Variants in ARMC1 observed in about 807,000 individuals in gnomAD.
ARMC1 encodes the protein armadillo repeat containing 1.
A neutral mutation model predicts 31.4 loss-of-function variants in ARMC1; 16 were observed. The observed-to-expected ratio is 0.51, with a 90% CI of 0.34 to 0.77. The LOEUF is 0.77. ARMC1 is among the 30% of genes least tolerant of loss of function. The pLI, the probability that ARMC1 is intolerant of heterozygous loss-of-function variation, is 0.01. For missense variants in ARMC1, 259 were observed against 347.5 expected (o/e 0.75, Z 2.02); for synonymous variants, 114 against 118.9 (o/e 0.96, Z 0.27).
At chr8:65,629,026 T>C (rs1808577220) in intron 1 of ARMC1, among the ~76,000 whole-genome samples, 2 of 151,278 alleles carry the variant, frequency 1.3e-5, no homozygotes. Flanking sequence ...TGGTGGTGGG[T>C]GCCTGTAATC....
chr8:65,626,056 T>C (rs1808505149), intron 2 of ARMC1, among the ~76,000 whole-genome samples: 1 of 151,958 alleles, frequency 6.6e-6, no homozygotes, highest in South Asian at 2.1e-4. Context: ...GCCCGGCTAA[T>C]TGTTTTGTAT....
At chr8:65,632,441 G>A (rs1487811953) in intron 1 of ARMC1, among the ~76,000 whole-genome samples, 1 of 151,984 alleles carries the variant, frequency 6.6e-6, no homozygotes, top group Non-Finnish European at 1.5e-5. Flanking sequence ...GTAAAACCCC[G>A]TCTCTACTAA....
chr8:65,608,792 C>T (rs1563412184), intron 4 of ARMC1, among the ~76,000 whole-genome samples: 1 of 151,628 alleles, frequency 6.6e-6, no homozygotes, highest in Non-Finnish European at 1.5e-5. Context: ...ATCTTTAATC[C>T]CAGCTACTTG....
chr8:65,630,572 A>G (rs1009209220), intron 1 of ARMC1, among the ~76,000 whole-genome samples: 5 of 152,204 alleles, frequency 3.3e-5, no homozygotes, highest in Non-Finnish European at 7.3e-5. Flanking sequence ...TAATCCCAAC[A>G]CTTTGGGAGG....
intron 4 of ARMC1, among the ~76,000 whole-genome samples, chr8:65,609,204 G>A (rs78871657): frequency 0.055 from 8,094 of 147,862 alleles, 279 homozygotes; most frequent in Non-Finnish European, 0.082. Flanking sequence ...TTGGGCTCTA[G>A]CAATCTTCCT....
chr8:65,605,695 A>C (rs1222858134), intron 4 of ARMC1, among the ~76,000 whole-genome samples, 157 bp from the exon 5 acceptor site: 1 of 152,212 alleles, frequency 6.6e-6, no homozygotes, highest in Non-Finnish European at 1.5e-5. Flanking sequence ...TGCTTAGTCA[A>C]ATTTTTTAAA....
At chr8:65,605,918 C>T (rs1679180586) in intron 4 of ARMC1, among the ~76,000 whole-genome samples, 1 of 152,184 alleles carries the variant, frequency 6.6e-6, no homozygotes, top group Admixed American at 6.5e-5. Context: ...AGTCCACCAG[C>T]TGTTTTTGTA....
chr8:65,626,040 C>G (rs1440475464), intron 2 of ARMC1, among the ~76,000 whole-genome samples: 1 of 152,002 alleles, frequency 6.6e-6, no homozygotes, highest in Non-Finnish European at 1.5e-5. Flanking sequence ...AGGCACCCAC[C>G]ACCACGCCCG....
intron 2 of ARMC1, among the ~76,000 whole-genome samples, chr8:65,623,786 CTTTTTTTTTTTT>C (rs201008780): frequency 5.0e-4 from 13 of 26,080 alleles, no homozygotes; most frequent in Non-Finnish European, 7.2e-4. Flanking sequence ...AAAGTAAAAT[CTTTTTTTTTTTT>C]TTTTTTTTTT....
At chr8:65,629,523 G>A (rs1176274079) in intron 1 of ARMC1, among the ~76,000 whole-genome samples, 2 of 152,090 alleles carry the variant, frequency 1.3e-5, no homozygotes, top group Non-Finnish European at 1.5e-5. Flanking sequence ...TATTCCAGAT[G>A]GGCGCGGTGG....
intron 1 of ARMC1, 113 bp from the exon 2 acceptor site, chr8:65,627,546 C>A: frequency 3.7e-6 from 2 of 547,796 alleles, no homozygotes; most frequent in Non-Finnish European, 5.7e-6. Flanking sequence ...AAAACTAAAT[C>A]ACATAAAAAC....
At chr8:65,630,112 T>C (rs1808609833) in intron 1 of ARMC1, among the ~76,000 whole-genome samples, 1 of 152,134 alleles carries the variant, frequency 6.6e-6, no homozygotes, top group Admixed American at 6.6e-5. Context: ...GCCACTGCAC[T>C]CCAGCCTGGG....
intron 4 of ARMC1, 82 bp from the exon 5 acceptor site, chr8:65,605,620 G>T (rs552231273): frequency 8.1e-6 from 8 of 982,226 alleles, no homozygotes; most frequent in Admixed American, 3.9e-5. Context: ...TATTTTGGAG[G>T]GGGGAAGAGA....
rs183288950 is a variant in ARMC1, at chr8:65,613,317, G to C, written c.392C>G (p.Ala131Gly). 1 of 1,612,332 alleles carries C rather than the reference G, an allele frequency of 6.2e-7. No homozygotes were observed. The highest frequency in any genetic ancestry group is 1.7e-5 in the Admixed American group (1 of 59,622). Residue 131 changes from alanine to glycine, a missense_variant, in exon 4 of 7, where the codon GCT (alanine) becomes GGT (glycine). Ala to Gly is a moderately conservative substitution (Grantham distance 60). Around this residue, in one of 3 missense-constraint regions of ARMC1, gnomAD observed 163 missense variants for 186.7 expected, o/e 0.87. Coordinates refer to ENST00000276569, the MANE Select transcript of ARMC1 (RefSeq NM_018120.6). Reference protein sequence around the residue: ...FNEMNSRRRKAQFFLGTTNKR... With the variant: ...FNEMNSRRRKGQFFLGTTNKR... ...GTTTGTAGTTCCCAGAAAAAATTGA[G>C]CTTTCCTTCGACGTGAATTCATCTC...
In ARMC1 at chr8:65,615,474, G is replaced by A. The variant is rs561248141; in HGVS notation, c.276-2041C>T. Reference sequence around the variant, plus strand: ...AATTCCAACACTTTGTGAGGCTGAGGTGGGTGGATCACCTGAGGTTAGGAG... The same window carrying A: ...AATTCCAACACTTTGTGAGGCTGAGATGGGTGGATCACCTGAGGTTAGGAG... On this transcript the variant is annotated intron_variant, in intron 3 of 6. Transcript: ENST00000276569. Among the ~76,000 whole-genome samples, 6 of 151,784 alleles carry A rather than the reference G, an allele frequency of 4.0e-5. No individual in the cohort carries two copies. In the East Asian group the frequency reaches 1.2e-3, roughly 29 times the overall value.
At chr8:65,627,748 C>T (rs1808546293) in intron 1 of ARMC1, among the ~76,000 whole-genome samples, 1 of 152,196 alleles carries the variant, frequency 6.6e-6, no homozygotes, top group Non-Finnish European at 1.5e-5. Context: ...CTTTGCTATA[C>T]TTCTAAAACT....
intron 3 of ARMC1, among the ~76,000 whole-genome samples, chr8:65,617,922 G>C (rs113931490): frequency 1.9e-4 from 28 of 150,172 alleles, no homozygotes; most frequent in Non-Finnish European, 3.4e-4. Flanking sequence ...TTTTCGGCGG[G>C]GGGGGAGGGA....
intron 4 of ARMC1, among the ~76,000 whole-genome samples, chr8:65,606,460 T>C (rs907099804): frequency 6.6e-6 from 1 of 152,112 alleles, no homozygotes; most frequent in African/African-American, 2.4e-5. Flanking sequence ...TTAGAATTAG[T>C]GAGCATTCAG....
At chr8:65,623,973 T>A (rs1296390216) in intron 2 of ARMC1, among the ~76,000 whole-genome samples, 1 of 151,168 alleles carries the variant, frequency 6.6e-6, no homozygotes. Context: ...AATTTTTGTA[T>A]TTTTAGTAAT....
Sources: gnomAD v4.1 joint callset for allele counts (sites outside exome capture counted in the v4.1 genomes callset) on GRCh38, gnomAD v4.1.1 for gene constraint, gnomAD v4.1.1 regional missense constraint, MANE v1.5 for transcripts, NCBI Gene and HGNC (gene_info 2026-07-23, HGNC 2026-07-21) for gene names.